Variants in TGFA observed in about 807,000 individuals in gnomAD.
TGFA encodes the protein transforming growth factor alpha.
A neutral mutation model predicts 21.7 loss-of-function variants in TGFA; 12 were observed. The observed-to-expected ratio is 0.55, with a 90% CI of 0.35 to 0.90. The LOEUF (loss-of-function observed/expected upper bound fraction) is 0.90. TGFA is among the 40% of genes least tolerant of loss of function. The probability of loss-of-function intolerance (pLI) is 0.01; values close to 1 mark genes in which losing one functional copy is unlikely to be tolerated. For missense variants in TGFA, 178 were observed against 210.8 expected (o/e 0.84, Z 0.96); for synonymous variants, 79 against 88.1 (o/e 0.90, Z 0.58).
At chr2:70,509,263 A>G (rs546812501) in intron 2 of TGFA, among the ~76,000 whole-genome samples, 23 of 152,334 alleles carry the variant, frequency 1.5e-4, no homozygotes, top group Non-Finnish European at 2.9e-4. Context: ...AGCAGTTTGC[A>G]GTTCTGAAAA....
At chr2:70,471,519 C>G (rs753410956) in intron 2 of TGFA, among the ~76,000 whole-genome samples, 14 of 152,204 alleles carry the variant, frequency 9.2e-5, no homozygotes, top group Non-Finnish European at 1.3e-4. Flanking sequence ...GGCGGAGTAA[C>G]TGTTCTCATT....
chr2:70,475,384 G>A (rs983973460), intron 2 of TGFA, among the ~76,000 whole-genome samples: 5 of 152,188 alleles, frequency 3.3e-5, no homozygotes, highest in Admixed American at 3.3e-4. Flanking sequence ...TGAAGAAAGT[G>A]GAGCTGAGGG....
rs553765296 is a variant in TGFA at position 70,553,586 on chromosome 2, C to G, written c.40+142G>C. 30 of 1,314,358 alleles carry G rather than the reference C, an allele frequency of 2.3e-5. No homozygotes were observed. The East Asian group carries it at 8.7e-4, about 38-fold the overall frequency. 81.4% of individuals were successfully genotyped at this position (1,314,358 alleles called of 1,614,324 possible). ...CATTCTTAATGACTCCCCTTGCCTC[C>G]CAGGCGCCAACCCATTGAGACTACT... On this transcript the variant is annotated intron_variant, in intron 1 of 5. Coordinates refer to ENST00000295400, the MANE Select transcript of TGFA (RefSeq NM_003236.4).
At chr2:70,543,651 A>G (rs1242207584) in intron 1 of TGFA, among the ~76,000 whole-genome samples, 2 of 152,160 alleles carry the variant, frequency 1.3e-5, no homozygotes, top group Admixed American at 6.5e-5. Flanking sequence ...AGTTGAATAG[A>G]TTGTGAGGAA....
At chr2:70,533,036 A>AT (rs3836150) in intron 1 of TGFA, among the ~76,000 whole-genome samples, 6,155 of 143,778 alleles carry the variant, frequency 0.043, 298 homozygotes, top group African/African-American at 0.12. Context: ...TAATTTTTGT[A>AT]TTTTTTTTTT....
intron 3 of TGFA, among the ~76,000 whole-genome samples, chr2:70,463,936 G>A (rs1670475620): frequency 6.6e-6 from 1 of 152,204 alleles, no homozygotes; most frequent in Non-Finnish European, 1.5e-5. Context: ...TCATCATCGT[G>A]CTTTGTATTA....
chr2:70,511,037 G>T (rs1672083098), intron 2 of TGFA, among the ~76,000 whole-genome samples: 1 of 152,122 alleles, frequency 6.6e-6, no homozygotes, highest in South Asian at 2.1e-4. Context: ...GCTCTTTTGA[G>T]CCCATTTAAC....
chr2:70,525,273 C>T (rs1214749844), intron 1 of TGFA, among the ~76,000 whole-genome samples: 1 of 152,126 alleles, frequency 6.6e-6, no homozygotes, highest in Non-Finnish European at 1.5e-5. Flanking sequence ...GGGTTTGGGC[C>T]AATACAAATA....
chr2:70,493,345 GAC>G (rs1671488631), intron 2 of TGFA, among the ~76,000 whole-genome samples: 1 of 152,160 alleles, frequency 6.6e-6, no homozygotes, highest in Admixed American at 6.5e-5. Flanking sequence ...GCCTTGACGT[GAC>G]ACTATAGCTT....
intron 2 of TGFA, among the ~76,000 whole-genome samples, chr2:70,484,151 T>C (rs1181334432): frequency 6.6e-6 from 1 of 152,234 alleles, no homozygotes; most frequent in African/African-American, 2.4e-5. Flanking sequence ...GATATCAACC[T>C]GTTATCCTTT....
rs184396258 is a variant in TGFA at position 70,450,446 on chromosome 2, A to G, written c.*413T>C. 135 of 166,732 alleles carry G rather than the reference A, an allele frequency of 8.1e-4. 1 individual carries two copies. Among genetic ancestry groups the G allele is most frequent in the Non-Finnish European group, 1.2e-4 (9 of 77,160 alleles). The allele number at this position is 166,732 out of a possible 1,614,324, so 10.3% of individuals were successfully genotyped here. On this transcript the variant is annotated 3_prime_UTR_variant, in exon 6 of 6. Coordinates refer to ENST00000295400, the MANE Select transcript of TGFA (RefSeq NM_003236.4). ...AGGCAAATGACAGAAAACAATAACT[A>G]TAGAAATCTCCTGTGTTGGGCAGAA...
intron 1 of TGFA, among the ~76,000 whole-genome samples, chr2:70,534,089 G>A (rs535059108): frequency 2.0e-5 from 3 of 152,136 alleles, no homozygotes; most frequent in Admixed American, 6.5e-5. Context: ...TCCACTATTC[G>A]GAGGTACAAA....
At chr2:70,462,324 G>C (rs1361301108) in intron 3 of TGFA, among the ~76,000 whole-genome samples, 4 of 152,228 alleles carry the variant, frequency 2.6e-5, no homozygotes, top group African/African-American at 9.6e-5. Flanking sequence ...AAGCCATCAG[G>C]GGGTAAGGAG....
intron 2 of TGFA, among the ~76,000 whole-genome samples, chr2:70,511,753 A>C (rs1367056049): frequency 2.6e-5 from 4 of 152,302 alleles, no homozygotes; most frequent in South Asian, 4.1e-4. Flanking sequence ...GAATAGATCA[A>C]AGAAAAATGA....
At chr2:70,506,964 G>C (rs1406384855) in intron 2 of TGFA, among the ~76,000 whole-genome samples, 1 of 152,214 alleles carries the variant, frequency 6.6e-6, no homozygotes, top group African/African-American at 2.4e-5. Context: ...GGAGTCACAG[G>C]CACTGAAGAA....
intron 1 of TGFA, among the ~76,000 whole-genome samples, chr2:70,523,289 C>T (rs1189746534): frequency 6.6e-6 from 1 of 152,176 alleles, no homozygotes; most frequent in East Asian, 1.9e-4. Context: ...CCCAAGGAGG[C>T]TAAGACAGAG....
chr2:70,456,692 G>T (rs898548977), intron 3 of TGFA, among the ~76,000 whole-genome samples: 51 of 152,252 alleles, frequency 3.3e-4, no homozygotes, highest in Non-Finnish European at 5.4e-4. Flanking sequence ...GAGAAGGGAA[G>T]GGGAATCTAA....
At chr2:70,509,647 G>A (rs1254830950) in intron 2 of TGFA, among the ~76,000 whole-genome samples, 4 of 152,226 alleles carry the variant, frequency 2.6e-5, no homozygotes, top group African/African-American at 7.2e-5. Flanking sequence ...AGGAGCAGAA[G>A]TTCAGAGGTT....
chr2:70,503,578 AT>A (rs1391364972), intron 2 of TGFA, among the ~76,000 whole-genome samples: 56 of 122,548 alleles, frequency 4.6e-4, no homozygotes, highest in Non-Finnish European at 7.4e-4. Flanking sequence ...TATAATAATA[AT>A]AATAAAAAAA....
Sources: gnomAD v4.1 joint callset for allele counts (sites outside exome capture counted in the v4.1 genomes callset) on GRCh38, gnomAD v4.1.1 for gene constraint, MANE v1.5 for transcripts, NCBI Gene and HGNC (gene_info 2026-07-23, HGNC 2026-07-21) for gene names.